The following MAF variants were observed in gnomAD, a reference collection of about 807,000 sequenced individuals.
MAF encodes MAF bZIP transcription factor.
Under a neutral mutation model 22.0 loss-of-function variants are expected in MAF, and 10 were observed. That is an observed-to-expected ratio of 0.45 (90% CI 0.28 to 0.77). MAF has a LOEUF of 0.77. Ranked by LOEUF, MAF falls within the 30% of genes least tolerant of loss-of-function variation. The pLI is 0.12. For missense variants in MAF, 544 were observed against 548.4 expected (o/e 0.99, Z 0.08); for synonymous variants, 337 against 255.8 (o/e 1.32, Z -3.03).
At chr16:79,507,513 C>G in the MAF span, among the ~76,000 whole-genome samples, 1 of 151,576 alleles carries the variant, frequency 6.6e-6, no homozygotes, top group Admixed American at 6.6e-5. Context: ...CAAGCCCTGC[C>G]TCCTGGGTTC....
the MAF span, among the ~76,000 whole-genome samples, chr16:79,291,964 C>T: frequency 6.6e-5 from 10 of 151,222 alleles, no homozygotes; most frequent in African/African-American, 2.2e-4. Flanking sequence ...GGGCCTGGCT[C>T]CATTCAGCAA....
chr16:79,595,983 G>A lies in MAF; in HGVS notation c.1119-1430C>T, dbSNP rs1379172851. On this transcript the variant is annotated intron_variant, in intron 1 of 1. Transcript: ENST00000326043. ...GTCATGTTTATGTTAAATCTTGTCA[G>A]GCCTTGCTAACAAGAAAATCTCGGT... 2.8e-6 allele frequency: 3 copies of A among 1,060,998 alleles called. No individual in the cohort carries two copies. The East Asian group carries it at 1.5e-4, about 54-fold the overall frequency. The allele number at this position is 1,060,998 out of a possible 1,614,324, so 65.7% of individuals were successfully genotyped here. A position where few individuals can be genotyped will look rare whatever the true frequency, so the allele number is the denominator to read the frequency against.
the MAF span, among the ~76,000 whole-genome samples, chr16:79,463,273 C>T: frequency 6.6e-6 from 1 of 152,216 alleles, no homozygotes; most frequent in Non-Finnish European, 1.5e-5. Flanking sequence ...CTTTCACCCC[C>T]ACACACCATG....
At chr16:79,439,988 T>C in the MAF span, among the ~76,000 whole-genome samples, 3 of 152,230 alleles carry the variant, frequency 2.0e-5, no homozygotes, top group Non-Finnish European at 2.9e-5. Flanking sequence ...GGCGCTTCAC[T>C]GAGGTCCCTA....
the MAF span, among the ~76,000 whole-genome samples, chr16:79,487,120 C>G: frequency 6.6e-6 from 1 of 151,450 alleles, no homozygotes; most frequent in African/African-American, 2.4e-5. Context: ...TCACAAAGAC[C>G]TTTTAATTAG....
chr16:79,598,712 A>G, intron 1 of MAF, 73 bp downstream of exon 1: 1 of 1,601,596 alleles, frequency 6.2e-7, no homozygotes, highest in Non-Finnish European at 8.5e-7. Context: ...TAGAACTAGC[A>G]AGCCCACACC....
the MAF span, among the ~76,000 whole-genome samples, chr16:79,493,966 A>C: frequency 6.6e-6 from 1 of 151,846 alleles, no homozygotes; most frequent in Non-Finnish European, 1.5e-5. Flanking sequence ...TTCCCTGAAA[A>C]TCAGGCTCTT....
At chr16:79,355,406 G>A in the MAF span, among the ~76,000 whole-genome samples, 4 of 152,176 alleles carry the variant, frequency 2.6e-5, no homozygotes, top group Admixed American at 6.5e-5. Flanking sequence ...ACAGCCCAGC[G>A]GAGTCAAAGG....
At chr16:79,374,508 A>G in the MAF span, among the ~76,000 whole-genome samples, 1 of 151,972 alleles carries the variant, frequency 6.6e-6, no homozygotes, top group South Asian at 2.1e-4. Flanking sequence ...TCTTGCAAGA[A>G]CCCCTTTTTT....
chr16:79,534,392 G>C, the MAF span, among the ~76,000 whole-genome samples: 2 of 152,172 alleles, frequency 1.3e-5, no homozygotes, highest in Non-Finnish European at 2.9e-5. Context: ...TAAAAGACTT[G>C]AGTCTCACTC....
chr16:79,596,700 T>A (rs866522711), intron 1 of MAF: 1 of 1,038,982 alleles, frequency 9.6e-7, no homozygotes, highest in Non-Finnish European at 1.2e-6. Flanking sequence ...AAAGACAGGA[T>A]GTCAGTCCCT....
the MAF span, among the ~76,000 whole-genome samples, chr16:79,555,481 C>G: frequency 6.6e-6 from 1 of 152,128 alleles, no homozygotes; most frequent in Non-Finnish European, 1.5e-5. Flanking sequence ...ATTTCTGTAG[C>G]GTAAATGCCT....
the MAF span, among the ~76,000 whole-genome samples, chr16:79,413,837 T>C: frequency 1.3e-5 from 2 of 152,168 alleles, no homozygotes; most frequent in Non-Finnish European, 2.9e-5. Context: ...GTAAAGCACA[T>C]TATGATAACA....
At chr16:79,592,749 T>C (rs1228477380), downstream of MAF, among the ~76,000 whole-genome samples, 1 of 152,232 alleles carries the variant, frequency 6.6e-6, no homozygotes, top group African/African-American at 2.4e-5. Context: ...ATAAAAATTG[T>C]AGCCTATCAC....
the MAF span, among the ~76,000 whole-genome samples, chr16:79,413,368 C>T: frequency 3.5e-4 from 52 of 147,130 alleles, no homozygotes; most frequent in African/African-American, 1.3e-3. Context: ...TCAGCCTCTC[C>T]GAGTAGCTGG....
At chr16:79,356,075 G>A in the MAF span, among the ~76,000 whole-genome samples, 3 of 151,256 alleles carry the variant, frequency 2.0e-5, no homozygotes, top group Admixed American at 6.6e-5. Flanking sequence ...GCATCCCCAG[G>A]CACTCTCACC....
chr16:79,355,727 C>T, the MAF span, among the ~76,000 whole-genome samples: 52 of 152,250 alleles, frequency 3.4e-4, no homozygotes, highest in African/African-American at 9.4e-4. Context: ...TGTGGCAATC[C>T]GTGTTGAACT....
At chr16:79,393,527 T>A in the MAF span, among the ~76,000 whole-genome samples, 1 of 152,248 alleles carries the variant, frequency 6.6e-6, no homozygotes, top group African/African-American at 2.4e-5. Context: ...CATTCCATGA[T>A]ACAACTTCTG....
At chr16:79,242,117 T>C in the MAF span, among the ~76,000 whole-genome samples, 9 of 152,084 alleles carry the variant, frequency 5.9e-5, no homozygotes, top group East Asian at 1.2e-3. Context: ...ATTAACACTA[T>C]GAAGAAACTG....
Sources: gnomAD v4.1 joint callset for allele counts (sites outside exome capture counted in the v4.1 genomes callset) on GRCh38, gnomAD v4.1.1 for gene constraint, MANE v1.5 for transcripts, NCBI Gene and HGNC (gene_info 2026-07-23, HGNC 2026-07-21) for gene names.